SEMA3A: variants seen among roughly 807,000 people sequenced by gnomAD.
SEMA3A encodes the protein semaphorin 3A.
In SEMA3A, 29 loss-of-function variants were observed where a neutral mutation model predicts 97.9. That is an observed-to-expected ratio of 0.30 (90% confidence interval 0.22 to 0.40). The LOEUF is 0.40. Among genes scored for constraint, SEMA3A ranks in the 10% least tolerant of loss-of-function variants. The probability of loss-of-function intolerance (pLI) is 1.00; values close to 1 mark genes in which losing one functional copy is unlikely to be tolerated. For synonymous variants in SEMA3A, 321 were observed against 323.7 expected (o/e 0.99, Z 0.09); for missense variants, 763 against 951.3 (o/e 0.80, Z 2.60).
Position 84,281,692 on chromosome 7 carries a change from C to A in SEMA3A, c.-83+25515G>T, listed in dbSNP as rs573897250. Among the ~76,000 whole-genome samples the A allele has an allele frequency of 1.3e-3, 204 of 152,210 alleles. 1 individual carries two copies. The highest frequency in any genetic ancestry group is 9.2e-4 in the Admixed American group (14 of 15,260). On this transcript the variant is annotated intron_variant, in intron 3 of 3. Coordinates refer to the SEMA3A transcript ENST00000424555. The stretch of plus-strand genomic sequence containing the variant: ...AAAGAACAGACTCTGTAGCTACATT[C>A]AGTAGGTTCAAATTCCATCTCTGTT...
In SEMA3A at chr7:84,236,280, G is replaced by T. The variant is rs553605134; in HGVS notation, c.-82-41612C>A. 3.9e-5 allele frequency among the ~76,000 whole-genome samples: 6 copies of T among 152,076 alleles called. No homozygotes were observed. In the South Asian group the frequency reaches 1.2e-3, roughly 32 times the overall value. On this transcript the variant is annotated intron_variant, in intron 3 of 3. Coordinates refer to the SEMA3A transcript ENST00000424555. ...GTCTATCACACATTTGTCAGTGGGCGAATGAAGTAAAGTTTCAGATGAGGT... is the reference window on the plus strand; with the variant it reads ...GTCTATCACACATTTGTCAGTGGGCTAATGAAGTAAAGTTTCAGATGAGGT...
intron 1 of SEMA3A, among the ~76,000 whole-genome samples, chr7:84,174,172 A>T (rs1381037022): frequency 6.6e-6 from 1 of 152,054 alleles, no homozygotes; most frequent in Non-Finnish European, 1.5e-5. Context: ...GTGCACAGTA[A>T]ATGTAATGTA....
intron 6 of SEMA3A, among the ~76,000 whole-genome samples, chr7:84,032,117 T>C (rs1791780584): frequency 6.6e-6 from 1 of 152,178 alleles, no homozygotes; most frequent in African/African-American, 2.4e-5. Flanking sequence ...ACCTGTTTCC[T>C]AGGGCATGCT....
At chr7:84,486,620 A>G (rs1014260137) in intron 1 of SEMA3A, among the ~76,000 whole-genome samples, 2 of 152,182 alleles carry the variant, frequency 1.3e-5, no homozygotes, top group East Asian at 3.9e-4. Flanking sequence ...CAAATGTTGC[A>G]TGATGGATAC....
At chr7:84,023,277 C>G (rs957055301) in intron 6 of SEMA3A, among the ~76,000 whole-genome samples, 1 of 152,180 alleles carries the variant, frequency 6.6e-6, no homozygotes. Context: ...GCATTAGAAT[C>G]AGACTGAATG....
intron 5 of SEMA3A, among the ~76,000 whole-genome samples, chr7:84,051,406 TC>T (rs1340333250): frequency 6.6e-6 from 1 of 152,238 alleles, no homozygotes; most frequent in Non-Finnish European, 1.5e-5. Flanking sequence ...TTTGTACTTC[TC>T]CTTAAAGAGG....
intron 4 of SEMA3A, among the ~76,000 whole-genome samples, chr7:84,073,700 G>A (rs1395157577): frequency 6.6e-6 from 1 of 151,996 alleles, no homozygotes; most frequent in Non-Finnish European, 1.5e-5. Flanking sequence ...CTTGGGAAGG[G>A]AAGAATTAGG....
At chr7:84,374,326 CTGA>C (rs1803047915) in intron 1 of SEMA3A, among the ~76,000 whole-genome samples, 1 of 152,138 alleles carries the variant, frequency 6.6e-6, no homozygotes, top group South Asian at 2.1e-4. Context: ...TGATGCACTG[CTGA>C]TAATAGTGGA....
intron 1 of SEMA3A, among the ~76,000 whole-genome samples, chr7:84,165,136 A>T (rs919125764): frequency 1.2e-4 from 19 of 152,188 alleles, no homozygotes; most frequent in Middle Eastern, 3.4e-3. Flanking sequence ...TGAGCCTGGG[A>T]GTTGGAGGTT....
chr7:84,284,996 A>G (rs1800543171), intron 3 of SEMA3A, among the ~76,000 whole-genome samples: 1 of 152,190 alleles, frequency 6.6e-6, no homozygotes, highest in Non-Finnish European at 1.5e-5. Context: ...CAGGGAAAAC[A>G]GCAGGTCTCA....
At chr7:84,063,794 T>C (rs1408266566) in intron 4 of SEMA3A, among the ~76,000 whole-genome samples, 2 of 149,366 alleles carry the variant, frequency 1.3e-5, no homozygotes, top group African/African-American at 2.5e-5. Flanking sequence ...TACGTCTGAT[T>C]GGTGTACCTG....
intron 1 of SEMA3A, among the ~76,000 whole-genome samples, chr7:84,478,023 T>C (rs1023081907): frequency 2.0e-5 from 3 of 152,162 alleles, no homozygotes; most frequent in African/African-American, 7.2e-5. Flanking sequence ...AGGTAACATC[T>C]TTTTAGAGTT....
chr7:84,320,468 C>T (rs573574517), intron 2 of SEMA3A, among the ~76,000 whole-genome samples: 40 of 152,168 alleles, frequency 2.6e-4, no homozygotes, highest in African/African-American at 8.4e-4. Flanking sequence ...CTAGCCTAAT[C>T]ATATACTTTA....
intron 1 of SEMA3A, among the ~76,000 whole-genome samples, chr7:84,137,124 G>A (rs1796154190): frequency 6.6e-6 from 1 of 152,112 alleles, no homozygotes; most frequent in South Asian, 2.1e-4. Context: ...TTATTGGCTG[G>A]ACACGGTGGC....
At chr7:84,424,910 A>AAT (rs375982304) in intron 1 of SEMA3A, among the ~76,000 whole-genome samples, 43 of 97,922 alleles carry the variant, frequency 4.4e-4, no homozygotes, top group Middle Eastern at 0.014. Context: ...TATAAACATA[A>AAT]ATATATATAT....
chr7:84,114,686 G>A (rs1249737875), intron 3 of SEMA3A, among the ~76,000 whole-genome samples: 2 of 152,104 alleles, frequency 1.3e-5, no homozygotes, highest in Non-Finnish European at 2.9e-5. Context: ...TGCCAAAGCA[G>A]TAATCCGTGA....
chr7:84,366,979 T>C (rs116338671), intron 2 of SEMA3A, among the ~76,000 whole-genome samples: 4,929 of 151,056 alleles, frequency 0.033, 274 homozygotes, highest in African/African-American at 0.11. Flanking sequence ...AAAATGCCTT[T>C]AATCTTAAAA....
chr7:84,409,213 A>G (rs1804194833), intron 1 of SEMA3A, among the ~76,000 whole-genome samples: 2 of 151,716 alleles, frequency 1.3e-5, no homozygotes, highest in South Asian at 4.1e-4. Context: ...ACAAAAACAA[A>G]TGATACATCT....
At chr7:84,189,395 T>A (rs2116262045) in intron 1 of SEMA3A, among the ~76,000 whole-genome samples, 1 of 151,994 alleles carries the variant, frequency 6.6e-6, no homozygotes, top group African/African-American at 2.4e-5. Context: ...TTAGTCATTT[T>A]GGAAGATTTT....
Sources: allele counts gnomAD v4.1 joint callset (sites outside exome capture counted in the v4.1 genomes callset), GRCh38; gene constraint gnomAD v4.1.1; transcripts MANE v1.5; gene names NCBI Gene and HGNC (gene_info 2026-07-23, HGNC 2026-07-21).